The following TAFA5 variants were observed in gnomAD, a reference collection of about 807,000 sequenced individuals.
TAFA5 encodes chemokine-like protein TAFA-5.
In TAFA5, 6 loss-of-function variants were observed where a neutral mutation model predicts 15.3. That is an observed-to-expected ratio of 0.39 (90% CI 0.21 to 0.77). TAFA5 has a LOEUF of 0.77. Among genes scored for constraint, TAFA5 ranks in the 30% least tolerant of loss-of-function variants. TAFA5 has a pLI of 0.41. For synonymous variants in TAFA5, 103 were observed against 80.7 expected (o/e 1.28, Z -1.48); for missense variants, 161 against 193.1 (o/e 0.83, Z 0.98).
intron 2 of TAFA5, among the ~76,000 whole-genome samples, 162 bp from the exon 3 acceptor site, chr22:48,707,555 A>G (rs1192815808): frequency 6.6e-6 from 1 of 152,136 alleles, no homozygotes; most frequent in Non-Finnish European, 1.5e-5. Context: ...AAGCTGGCAA[A>G]GCCCCTGGGC....
intron 2 of TAFA5, among the ~76,000 whole-genome samples, chr22:48,686,214 G>C (rs967217434): frequency 6.6e-6 from 1 of 152,236 alleles, no homozygotes; most frequent in Non-Finnish European, 1.5e-5. Flanking sequence ...GGAGGGGAAA[G>C]GAGACAAGCC....
At chr22:48,522,196 C>G (rs1230007541) in intron 1 of TAFA5, among the ~76,000 whole-genome samples, 1 of 151,894 alleles carries the variant, frequency 6.6e-6, no homozygotes, top group Non-Finnish European at 1.5e-5. Context: ...AAGACTGGAA[C>G]CTCCTCCCAC....
intron 2 of TAFA5, among the ~76,000 whole-genome samples, chr22:48,647,658 G>T (rs1245276908): frequency 1.3e-5 from 2 of 152,116 alleles, no homozygotes; most frequent in African/African-American, 4.8e-5. Context: ...TCCCTCCCTT[G>T]TGACCAGAGT....
intron 1 of TAFA5, among the ~76,000 whole-genome samples, chr22:48,604,193 CT>C (rs1925076097): frequency 6.6e-6 from 1 of 152,210 alleles, no homozygotes; most frequent in Non-Finnish European, 1.5e-5. Context: ...CGCTGGGCCC[CT>C]CTTGGCCACA....
intron 1 of TAFA5, among the ~76,000 whole-genome samples, chr22:48,555,244 G>T (rs1178233499): frequency 6.6e-6 from 1 of 152,192 alleles, no homozygotes; most frequent in Admixed American, 6.5e-5. Context: ...GTGGCATGGG[G>T]CTGGCGGTGG....
intron 2 of TAFA5, among the ~76,000 whole-genome samples, chr22:48,680,137 G>T (rs1216153491): frequency 6.6e-6 from 1 of 152,254 alleles, no homozygotes; most frequent in East Asian, 1.9e-4. Flanking sequence ...CACCCTGTGT[G>T]CAAGGAGGAT....
chr22:48,636,932 G>A (rs1417531535), intron 1 of TAFA5, among the ~76,000 whole-genome samples: 1 of 152,204 alleles, frequency 6.6e-6, no homozygotes, highest in Admixed American at 6.5e-5. Context: ...CTGGGAGGCT[G>A]AGGCCAGGGC....
chr22:48,720,127 CG>C (rs1929525161), intron 3 of TAFA5, among the ~76,000 whole-genome samples: 3 of 152,126 alleles, frequency 2.0e-5, no homozygotes, highest in African/African-American at 7.2e-5. Context: ...GAAGGGTGGA[CG>C]GGGTCTGTCG....
At chr22:48,512,647 G>A (rs1403590475) in intron 1 of TAFA5, among the ~76,000 whole-genome samples, 9 of 151,446 alleles carry the variant, frequency 5.9e-5, no homozygotes, top group South Asian at 4.2e-4. Flanking sequence ...ACGGCCGGGC[G>A]CGGTGGCTCA....
chr22:48,534,253 T>G (rs1922073320), intron 1 of TAFA5, among the ~76,000 whole-genome samples: 1 of 146,178 alleles, frequency 6.8e-6, no homozygotes, highest in Non-Finnish European at 1.5e-5. Flanking sequence ...GTGAAATGAG[T>G]AAGTCAGGTG....
chr22:48,589,924 G>A (rs554863516), intron 1 of TAFA5, among the ~76,000 whole-genome samples: 14 of 152,068 alleles, frequency 9.2e-5, no homozygotes, highest in Non-Finnish European at 1.3e-4. Flanking sequence ...TTGTTACAGC[G>A]GCCAGAGGAA....
chr22:48,629,485 C>T (rs1926138314), intron 1 of TAFA5, among the ~76,000 whole-genome samples: 1 of 152,216 alleles, frequency 6.6e-6, no homozygotes, highest in Admixed American at 6.5e-5. Context: ...GCTGGCTTTG[C>T]TAAGTCCACC....
At chr22:48,748,004 C>A (rs370630765) in intron 3 of TAFA5, among the ~76,000 whole-genome samples, 75 of 152,132 alleles carry the variant, frequency 4.9e-4, no homozygotes, top group African/African-American at 1.8e-3. Context: ...TATCATTTAC[C>A]TGGATGAATG....
intron 1 of TAFA5, among the ~76,000 whole-genome samples, chr22:48,638,743 G>A (rs1453406737): frequency 1.6e-5 from 2 of 123,410 alleles, no homozygotes; most frequent in Non-Finnish European, 3.2e-5. Flanking sequence ...CTAAGCCCTG[G>A]GACACCACAC....
In TAFA5 at chr22:48,598,438, T is replaced by G. The variant is rs955110182; in HGVS notation, c.113-48159T>G. On this transcript the variant is annotated intron_variant, in intron 1 of 3. Transcript: ENST00000402357. This position sits in a 1 kb window ranked among gnomAD's most constrained non-coding sequence, Gnocchi z 4.0. ...TGGCGCTGTGATCGTGCTTAGTGTT[T>G]ATGGCGTGGGGCTGAGGGAGACCAC... 6.6e-6 allele frequency among the ~76,000 whole-genome samples: 1 copy of G among 152,100 alleles called. No homozygotes were observed. Among genetic ancestry groups the G allele is most frequent in the East Asian group, 1.9e-4 (1 of 5,184 alleles).
At chr22:48,700,157 T>A (rs1928858907) in intron 2 of TAFA5, among the ~76,000 whole-genome samples, 2 of 151,762 alleles carry the variant, frequency 1.3e-5, no homozygotes, top group Non-Finnish European at 1.5e-5. Flanking sequence ...ACAGGGCTGC[T>A]GGATCCCGAA....
At chr22:48,499,694 G>A (rs1920942345) in intron 1 of TAFA5, among the ~76,000 whole-genome samples, 1 of 152,214 alleles carries the variant, frequency 6.6e-6, no homozygotes, top group Non-Finnish European at 1.5e-5. Context: ...CATCCTGTGG[G>A]CAGCCTCCTG....
intron 2 of TAFA5, among the ~76,000 whole-genome samples, chr22:48,706,768 A>G (rs921310649): frequency 6.6e-6 from 1 of 152,208 alleles, no homozygotes; most frequent in East Asian, 1.9e-4. Flanking sequence ...TGCATTAGGA[A>G]GGACATATTT....
At chr22:48,592,196 C>A (rs1407363074) in intron 1 of TAFA5, among the ~76,000 whole-genome samples, 1 of 152,186 alleles carries the variant, frequency 6.6e-6, no homozygotes, top group Admixed American at 6.5e-5. Flanking sequence ...AGTGCTGTGC[C>A]CAGGGCACTG....
Sources: allele counts gnomAD v4.1 joint callset (sites outside exome capture counted in the v4.1 genomes callset), GRCh38; gene constraint gnomAD v4.1.1; non-coding constraint Gnocchi (gnomAD v3.1); transcripts MANE v1.5; gene names NCBI Gene and HGNC (gene_info 2026-07-23, HGNC 2026-07-21).